Variants in RABGAP1L observed in about 807,000 individuals in gnomAD.
The protein encoded by RABGAP1L is rab GTPase-activating protein 1-like.
A neutral mutation model predicts 137.7 loss-of-function variants in RABGAP1L; 63 were observed. The ratio of observed to expected loss-of-function variants is 0.46; its 90% CI spans 0.37 to 0.56. RABGAP1L has a LOEUF of 0.56. Ranked by LOEUF, RABGAP1L falls within the 20% of genes least tolerant of loss-of-function variation. RABGAP1L has a pLI of 0.00. For synonymous variants in RABGAP1L, 431 were observed against 433.7 expected, an observed-to-expected ratio of 0.99 and a Z score of 0.08; for missense variants, 1,095 against 1,244.0, an observed-to-expected ratio of 0.88 and a Z score of 1.80.
intron 9 of RABGAP1L, among the ~76,000 whole-genome samples, chr1:174,277,690 G>A (rs1351104939): frequency 6.6e-6 from 1 of 151,954 alleles, no homozygotes; most frequent in African/African-American, 2.4e-5. Flanking sequence ...GATTTTTATG[G>A]AAGAAGTTTA....
chr1:174,727,741 T>A (rs1682112514), intron 17 of RABGAP1L, among the ~76,000 whole-genome samples: 1 of 152,224 alleles, frequency 6.6e-6, no homozygotes, highest in Non-Finnish European at 1.5e-5. Context: ...ATTAGCCTGA[T>A]TTTAACATTA....
chr1:174,318,413 G>GT (rs1679600180), intron 11 of RABGAP1L, among the ~76,000 whole-genome samples: 2 of 152,142 alleles, frequency 1.3e-5, no homozygotes, highest in Non-Finnish European at 2.9e-5. Flanking sequence ...TACTGGTAAA[G>GT]TGAGTCTCTT....
intron 19 of RABGAP1L, among the ~76,000 whole-genome samples, chr1:174,929,250 T>A (rs549269442): frequency 3.9e-5 from 6 of 152,246 alleles, no homozygotes; most frequent in Admixed American, 3.9e-4. Context: ...TTATTGGGGT[T>A]TTAACAGTTG....
At chr1:174,302,191 A>T (rs1677773850) in intron 10 of RABGAP1L, among the ~76,000 whole-genome samples, 1 of 152,208 alleles carries the variant, frequency 6.6e-6, no homozygotes, top group Admixed American at 6.5e-5. Flanking sequence ...GTAGTGGTAG[A>T]TTAGGACACA....
chr1:174,601,484 C>T (rs536763908), intron 13 of RABGAP1L, among the ~76,000 whole-genome samples: 11 of 151,708 alleles, frequency 7.3e-5, no homozygotes, highest in Admixed American at 1.3e-4. Context: ...CATCACACCC[C>T]GGGGCCTGTC....
chr1:174,939,666 A>G (rs557907821), intron 19 of RABGAP1L, among the ~76,000 whole-genome samples: 2 of 152,344 alleles, frequency 1.3e-5, no homozygotes, highest in South Asian at 4.1e-4. Context: ...AAATTGCCCC[A>G]CAGAACAGAG....
intron 14 of RABGAP1L, among the ~76,000 whole-genome samples, chr1:174,638,479 G>A (rs1047924340): frequency 1.5e-4 from 22 of 151,680 alleles, no homozygotes; most frequent in Non-Finnish European, 3.1e-4. Flanking sequence ...TCAGTGTGGC[G>A]ATTCCTCAGG....
chr1:174,725,972 T>TAGA (rs1681949991), intron 17 of RABGAP1L, among the ~76,000 whole-genome samples: 3 of 151,902 alleles, frequency 2.0e-5, no homozygotes, highest in African/African-American at 7.2e-5. Context: ...AAACTTAAAG[T>TAGA]ATAATAATAA....
At chr1:174,610,979 C>A (rs936865297) in intron 13 of RABGAP1L, among the ~76,000 whole-genome samples, 1 of 150,844 alleles carries the variant, frequency 6.6e-6, no homozygotes, top group Non-Finnish European at 1.5e-5. Context: ...GAGTAGGTTG[C>A]GAAAATTTTC....
intron 19 of RABGAP1L, chr1:174,948,638 A>G (rs1479355453): frequency 2.6e-5 from 4 of 151,932 alleles, no homozygotes; most frequent in Non-Finnish European, 5.9e-5. Flanking sequence ...GTTTCAAACT[A>G]TCTCTTGTAC....
chr1:174,733,009 C>T (rs1047325950), intron 17 of RABGAP1L, among the ~76,000 whole-genome samples: 2 of 151,208 alleles, frequency 1.3e-5, no homozygotes, highest in Admixed American at 6.6e-5. Flanking sequence ...GAAAAAAAAA[C>T]CCTCTGAGGT....
chr1:174,540,673 A>C (rs1323031332), intron 13 of RABGAP1L, among the ~76,000 whole-genome samples: 1 of 150,484 alleles, frequency 6.6e-6, no homozygotes. Context: ...TGGTACCAGT[A>C]CCATGCTGTT....
intron 1 of RABGAP1L, among the ~76,000 whole-genome samples, chr1:174,211,980 A>T (rs894016941): frequency 1.3e-5 from 2 of 152,114 alleles, no homozygotes; most frequent in African/African-American, 4.8e-5. Flanking sequence ...CAGATATATA[A>T]AGCAGATATT....
chr1:174,441,054 TTA>T (rs200662560), intron 13 of RABGAP1L, among the ~76,000 whole-genome samples: 49 of 149,262 alleles, frequency 3.3e-4, no homozygotes, highest in East Asian at 9.7e-4. Flanking sequence ...AATAAAAGTA[TTA>T]TATATATATA....
At chr1:174,396,499 A>C (rs1558198498) in intron 13 of RABGAP1L, among the ~76,000 whole-genome samples, 1 of 152,036 alleles carries the variant, frequency 6.6e-6, no homozygotes, top group Non-Finnish European at 1.5e-5. Flanking sequence ...TATATGTTAG[A>C]TATTTATGCC....
intron 14 of RABGAP1L, among the ~76,000 whole-genome samples, chr1:174,648,119 G>A (rs1050176491): frequency 2.0e-5 from 3 of 151,808 alleles, no homozygotes; most frequent in Non-Finnish European, 4.4e-5. Flanking sequence ...TCTGGGTAAT[G>A]TTCTATCTAT....
At chr1:174,528,184 T>C (rs1472800821) in intron 13 of RABGAP1L, among the ~76,000 whole-genome samples, 1 of 152,184 alleles carries the variant, frequency 6.6e-6, no homozygotes, top group Non-Finnish European at 1.5e-5. Context: ...TGCTGTCATA[T>C]AGTCAATTGT....
chr1:174,323,684 A>T (rs923833235), intron 11 of RABGAP1L, among the ~76,000 whole-genome samples: 10 of 152,084 alleles, frequency 6.6e-5, no homozygotes, highest in African/African-American at 2.4e-4. Flanking sequence ...TTATCAATGA[A>T]CTCTAGGTAT....
At chr1:174,243,033 T>C (rs1316538070) in intron 5 of RABGAP1L, 1 of 152,176 alleles carries the variant, frequency 6.6e-6, no homozygotes, top group Non-Finnish European at 1.5e-5. Flanking sequence ...GCAGCCATCA[T>C]TTAACCCACC....
Sources: gnomAD v4.1 joint callset for allele counts (sites outside exome capture counted in the v4.1 genomes callset) on GRCh38, gnomAD v4.1.1 for gene constraint, MANE v1.5 for transcripts, NCBI Gene and HGNC (gene_info 2026-07-23, HGNC 2026-07-21) for gene names.